The following MAEL variants were observed in gnomAD, a reference collection of about 807,000 sequenced individuals.
The protein encoded by MAEL is protein maelstrom homolog.
In MAEL, 46 loss-of-function variants were observed where a neutral mutation model predicts 62.0. The ratio of observed to expected loss-of-function variants is 0.74; its 90% confidence interval spans 0.59 to 0.95. The LOEUF (loss-of-function observed/expected upper bound fraction) is 0.95. Among genes scored for constraint, MAEL ranks in the 40% least tolerant of loss-of-function variants. MAEL has a pLI of 0.00. For missense variants in MAEL, 497 were observed against 526.8 expected, an observed-to-expected ratio of 0.94 and a Z score of 0.55; for synonymous variants, 172 against 175.5, an observed-to-expected ratio of 0.98 and a Z score of 0.16.
At chr1:166,984,001 CAAAAA>C (rs5778528) in intron 1 of MAEL, among the ~76,000 whole-genome samples, 1 of 117,718 alleles carries the variant, frequency 8.5e-6, no homozygotes, top group Non-Finnish European at 1.8e-5. Flanking sequence ...GATCCTGTCT[CAAAAA>C]AAAAAAAAAA....
chr1:167,005,749 A>T (rs1664867406), intron 8 of MAEL: 1 of 158,202 alleles, frequency 6.3e-6, no homozygotes, highest in Non-Finnish European at 1.4e-5. Context: ...ATTTTGAGAT[A>T]ATTTTAGACT....
rs1665644410 is a variant in MAEL at position 167,021,827 on chromosome 1, G to A, written c.1277G>A (p.Gly426Glu). 6.2e-7 allele frequency: 1 copy of A among 1,609,392 alleles called. No individual in the cohort carries two copies. The highest frequency in any genetic ancestry group is 1.1e-5 in the South Asian group (1 of 90,344). Residue 426 changes from glycine (G) to glutamate (E), a missense_variant, in exon 12 of 12, where the codon GGA becomes GAA. Transcript: ENST00000367872. ...SLSPYMSQKDGYKSFSSLS is the reference protein window; with the variant it reads ...SLSPYMSQKDEYKSFSSLS ...TCACCTTACATGTCCCAAAAAGATGGATACAAATCTTTCTCTTCCTTATCT... is the reference window on the plus strand; with the variant it reads ...TCACCTTACATGTCCCAAAAAGATGAATACAAATCTTTCTCTTCCTTATCT...
intron 5 of MAEL, among the ~76,000 whole-genome samples, chr1:167,001,478 T>C (rs1664663567): frequency 6.6e-6 from 1 of 152,202 alleles, no homozygotes; most frequent in Non-Finnish European, 1.5e-5. Context: ...AAGACTCAGG[T>C]GATCATTCGT....
In MAEL at chr1:167,005,406, A is replaced by G. The variant is rs746180043; in HGVS notation, c.845+9A>G. The G allele has an allele frequency of 1.3e-6, 2 of 1,583,594 alleles. No individual in the cohort carries two copies. The highest frequency in any genetic ancestry group is 1.7e-6 in the Non-Finnish European group (2 of 1,165,898). Reference sequence around the variant, plus strand: ...TATTCTAGCAACACAAGGTATTGCTAGCATTTTTGTTTTAGAGTCATTTTG... The same window carrying G: ...TATTCTAGCAACACAAGGTATTGCTGGCATTTTTGTTTTAGAGTCATTTTG... On this transcript the variant is annotated intron_variant, in intron 8 of 11. Transcript: ENST00000367872.
In MAEL at chr1:167,007,557, TTGTGTGTG is replaced by T. The variant is rs71073634; in HGVS notation, c.845+2194_845+2201del. On this transcript the variant is annotated intron_variant, in intron 8 of 11. Transcript: ENST00000367872. ...TAGTAGAGAGCTAGGAAATATATGT[TTGTGTGTG>T]TGTGTGTGTGTGTGTGTGTGTGTGT... is the stretch of plus-strand genomic sequence containing the variant. Among the ~76,000 whole-genome samples, 254 of 128,466 alleles carry T rather than the reference TTGTGTGTG, an allele frequency of 2.0e-3. 2 individuals carry two copies. Among genetic ancestry groups the T allele is most frequent in the Admixed American group, 5.3e-3 (70 of 13,280 alleles). The allele number at this position is 128,466 out of a possible 152,430, so 84.3% of individuals were successfully genotyped here.
At chr1:166,999,126 A>C (rs1375410657) in intron 5 of MAEL, among the ~76,000 whole-genome samples, 1 of 152,202 alleles carries the variant, frequency 6.6e-6, no homozygotes, top group East Asian at 1.9e-4. Flanking sequence ...TCAGTGTTCA[A>C]GTGAAAGGAA....
Position 166,994,026 on chromosome 1 carries a change from A to G in MAEL, c.482-2A>G. 1 of 1,612,752 alleles carries G rather than the reference A, an allele frequency of 6.2e-7. No homozygotes were observed. ...TTCTCAACAAGATATTTTGTATTATAGGTGAAATTCCACGAGGATTTCGAT... is the reference window on the plus strand; with the variant it reads ...TTCTCAACAAGATATTTTGTATTATGGGTGAAATTCCACGAGGATTTCGAT... On this transcript the variant is annotated splice_acceptor_variant, in intron 4 of 11. Coordinates refer to ENST00000367872, the MANE Select transcript of MAEL (RefSeq NM_032858.3). LOFTEE classifies it high-confidence loss of function.
chr1:166,989,248 G>T (rs911928570), upstream of MAEL: 8 of 1,421,196 alleles, frequency 5.6e-6, no homozygotes, highest in Admixed American at 1.4e-4. Context: ...GCCGAGAGTT[G>T]CGGGCTGCGT....
chr1:166,986,953 TG>T (rs1663937725), upstream of MAEL, among the ~76,000 whole-genome samples: 2 of 121,028 alleles, frequency 1.7e-5, no homozygotes, highest in Admixed American at 7.4e-5. Context: ...GACGTGTGTG[TG>T]TGTGTGTGTG....
At chr1:166,995,949 A>G (rs1304276468) in intron 5 of MAEL, among the ~76,000 whole-genome samples, 3 of 152,236 alleles carry the variant, frequency 2.0e-5, no homozygotes, top group South Asian at 2.1e-4. Flanking sequence ...AAAAAAATCT[A>G]TTAAAGATTC....
chr1:167,013,925 T>A lies in MAEL; in HGVS notation c.846-2297T>A, dbSNP rs572007794. 2.3e-3 allele frequency among the ~76,000 whole-genome samples: 346 copies of A among 152,270 alleles called. 4 individuals are homozygous for A. The highest frequency in any genetic ancestry group is 7.9e-3 in the African/African-American group (330 of 41,552). On this transcript the variant is annotated intron_variant, in intron 8 of 11. Coordinates refer to ENST00000367872, the MANE Select transcript of MAEL (RefSeq NM_032858.3). ...AGTTTACTTTTTTTCATGGGGGTTC[T>A]GGGAAGTAGACTATTCTTTTTACAG...
rs1327170521 is a variant in MAEL, at chr1:167,021,088, C to A, written c.1045C>A (p.Leu349Ile). The change falls in exon 11 of 12, where the codon CTA (leucine) becomes ATA (isoleucine). Residue 349 changes from leucine (L) to isoleucine (I), a missense_variant. Transcript: ENST00000367872. ...GGTATTTTCCTGTTACTTACAGAAG[C>A]TAAGGGTTGGGAGTTCAGGATTCTC... Reference protein sequence around the residue: ...VVLDAGRYQKLRVGSSGFSHF... With the variant: ...VVLDAGRYQKIRVGSSGFSHF... 24 of 1,609,326 alleles carry A rather than the reference C, an allele frequency of 1.5e-5. No homozygotes were observed. The highest frequency in any genetic ancestry group is 2.0e-5 in the Non-Finnish European group (23 of 1,176,348).
chr1:167,005,686 T>A (rs372200193), intron 8 of MAEL: 2 of 209,536 alleles, frequency 9.5e-6, no homozygotes, highest in East Asian at 1.0e-4. Context: ...AGAACTCTTG[T>A]ACTTACATGT....
At chr1:166,986,762 G>GAAGTAGAA, upstream of MAEL, among the ~76,000 whole-genome samples, 1 of 152,260 alleles carries the variant, frequency 6.6e-6, no homozygotes. Context: ...AAAACAGCCT[G>GAAGTAGAA]AAGTAGAAAG....
rs1218768467 is a variant in MAEL at position 167,007,859 on chromosome 1, G to A, written c.845+2462G>A. On this transcript the variant is annotated intron_variant, in intron 8 of 11. Coordinates refer to ENST00000367872, the MANE Select transcript of MAEL (RefSeq NM_032858.3). ...TAGAGTTTGTTTATAATCGCTTTTAGTCTGAAAGTATATAGTCAAAATACT... is the reference window on the plus strand; with the variant it reads ...TAGAGTTTGTTTATAATCGCTTTTAATCTGAAAGTATATAGTCAAAATACT... Among the ~76,000 whole-genome samples, 3 of 151,884 alleles carry A rather than the reference G, an allele frequency of 2.0e-5. No individual in the cohort carries two copies. The East Asian group carries it at 5.8e-4, about 29-fold the overall frequency.
chr1:166,981,194 G>C (rs1439355909), intron 1 of MAEL, among the ~76,000 whole-genome samples: 2 of 152,162 alleles, frequency 1.3e-5, no homozygotes, highest in African/African-American at 2.4e-5. Flanking sequence ...ATCTCTCATA[G>C]AAGTGTTAAT....
intron 10 of MAEL, among the ~76,000 whole-genome samples, chr1:167,019,498 C>T (rs1665539197): frequency 6.6e-6 from 1 of 152,116 alleles, no homozygotes; most frequent in South Asian, 2.1e-4. Context: ...GTTTTCTCAG[C>T]CTTAGTTATC....
chr1:166,989,688 C>A, intron 1 of MAEL, 49 bp from the exon 2 acceptor site: 1 of 1,576,028 alleles, frequency 6.3e-7, no homozygotes, highest in Non-Finnish European at 8.7e-7. Context: ...CCCTAGAGCA[C>A]GGGATCCTCA....
At position 166,989,324 on chromosome 1, in the gene MAEL, C is replaced by A. The variant is rs757681335; in HGVS notation, c.-29C>A. The A allele has an allele frequency of 4.4e-6, 7 of 1,602,812 alleles. No homozygotes were observed. In the South Asian group the frequency reaches 5.6e-5, roughly 13 times the overall value. Reference sequence around the variant, plus strand: ...CGAGGGCGCCGGTGCTTTGTTCTGTCTGAGGCCAGGAAGTTTGACCGCGCT... The same window carrying A: ...CGAGGGCGCCGGTGCTTTGTTCTGTATGAGGCCAGGAAGTTTGACCGCGCT... On this transcript the variant is annotated 5_prime_UTR_variant, in exon 1 of 12. In the 5' UTR this introduces an upstream ATG that the reference lacks. Transcript: ENST00000367872.
Sources: allele counts gnomAD v4.1 joint callset (sites outside exome capture counted in the v4.1 genomes callset), GRCh38; gene constraint gnomAD v4.1.1; transcripts MANE v1.5; gene names NCBI Gene and HGNC (gene_info 2026-07-23, HGNC 2026-07-21).